Variants in SGCD observed in about 807,000 individuals in gnomAD.
The protein encoded by SGCD is sarcoglycan delta, also known as delta-sarcoglycan.
A neutral mutation model predicts 36.6 loss-of-function variants in SGCD; 18 were observed. The ratio of observed to expected loss-of-function variants is 0.49; its 90% CI spans 0.34 to 0.73. The LOEUF is 0.73. Ranked by LOEUF, SGCD falls within the 30% of genes least tolerant of loss-of-function variation. The probability of loss-of-function intolerance (pLI) is 0.01; values close to 1 mark genes in which losing one functional copy is unlikely to be tolerated. For synonymous variants in SGCD, 133 were observed against 130.6 expected, an observed-to-expected ratio of 1.02 and a Z score of -0.12; for missense variants, 387 against 346.7, an observed-to-expected ratio of 1.12 and a Z score of -0.92.
At chr5:155,753,104 G>C in the SGCD span, among the ~76,000 whole-genome samples, 2 of 152,066 alleles carry the variant, frequency 1.3e-5, no homozygotes, top group Non-Finnish European at 2.9e-5. Flanking sequence ...TTGGGAGGCC[G>C]AGGAGGGAAG....
At chr5:155,878,940 G>A (rs886402210) in intron 1 of SGCD, among the ~76,000 whole-genome samples, 6 of 151,962 alleles carry the variant, frequency 3.9e-5, no homozygotes, top group Non-Finnish European at 7.4e-5. Flanking sequence ...GTTTGTTAGC[G>A]TCTGCTAACA....
the SGCD span, among the ~76,000 whole-genome samples, chr5:155,796,043 A>G: frequency 6.6e-6 from 1 of 152,220 alleles, no homozygotes; most frequent in African/African-American, 2.4e-5. Context: ...CTTCTCTACA[A>G]CCAATAGAAC....
chr5:156,113,928 C>A (rs766904771), intron 1 of SGCD, among the ~76,000 whole-genome samples: 1 of 151,916 alleles, frequency 6.6e-6, no homozygotes, highest in Non-Finnish European at 1.5e-5. Flanking sequence ...GTATGCTATG[C>A]GATTCCAACA....
chr5:156,073,916 G>T (rs1760679228), intron 1 of SGCD, among the ~76,000 whole-genome samples: 1 of 152,192 alleles, frequency 6.6e-6, no homozygotes, highest in South Asian at 2.1e-4. Flanking sequence ...GGAGAGAAAA[G>T]TGGCAAAGCA....
At chr5:156,523,238 G>A (rs993998461) in intron 4 of SGCD, among the ~76,000 whole-genome samples, 8 of 152,116 alleles carry the variant, frequency 5.3e-5, no homozygotes, top group Admixed American at 1.3e-4. Context: ...CTGTTAAGTG[G>A]TAATTTTTTA....
At chr5:156,611,930 T>G (rs1761830413) in intron 6 of SGCD, among the ~76,000 whole-genome samples, 1 of 152,240 alleles carries the variant, frequency 6.6e-6, no homozygotes. Flanking sequence ...TTTCTGGGGT[T>G]TTTATAATTA....
At chr5:156,106,359 G>A (rs545187019) in intron 1 of SGCD, among the ~76,000 whole-genome samples, 1 of 152,212 alleles carries the variant, frequency 6.6e-6, no homozygotes, top group Admixed American at 6.5e-5. Context: ...AGGACTACAG[G>A]GCGAATGCTT....
chr5:155,846,558 A>G, the SGCD span, among the ~76,000 whole-genome samples: 2 of 152,046 alleles, frequency 1.3e-5, no homozygotes, highest in Non-Finnish European at 2.9e-5. Context: ...ATTCTGTTAT[A>G]CTCTGATTCC....
chr5:156,466,195 A>T (rs1401015639), intron 3 of SGCD, among the ~76,000 whole-genome samples: 1 of 152,182 alleles, frequency 6.6e-6, no homozygotes, highest in Non-Finnish European at 1.5e-5. Flanking sequence ...CAACTATAAA[A>T]ATTCAGTGTT....
chr5:156,739,201 G>A (rs1756537423), intron 7 of SGCD, among the ~76,000 whole-genome samples: 1 of 152,082 alleles, frequency 6.6e-6, no homozygotes, highest in Admixed American at 6.6e-5. Context: ...ATAATCTTAA[G>A]TTGTTCAGAA....
In SGCD at chr5:156,760,236, G is replaced by GA. The variant is rs1757475409; in HGVS notation, c.*851dup. 6.6e-6 allele frequency: 1 copy of GA among 152,176 alleles called. No homozygotes were observed. The highest frequency in any genetic ancestry group is 1.5e-5 in the Non-Finnish European group (1 of 68,034). The allele number at this position is 152,176 out of a possible 1,614,324, so 9.4% of individuals were successfully genotyped here. Reference sequence around the variant, plus strand: ...ACGGGTGATATGTCTCTGTTTAAGGGAAAAATGGCTTAAAAGCTGTTCTGT... The same window carrying GA: ...ACGGGTGATATGTCTCTGTTTAAGGGAAAAAATGGCTTAAAAGCTGTTCTGT... On this transcript the variant is annotated 3_prime_UTR_variant, in exon 9 of 9. Transcript: ENST00000337851.
chr5:156,227,836 T>A (rs982278839), intron 3 of SGCD, among the ~76,000 whole-genome samples: 7 of 152,162 alleles, frequency 4.6e-5, no homozygotes, highest in African/African-American at 1.7e-4. Flanking sequence ...TTTGATAGGT[T>A]GTGTCACTAT....
intron 6 of SGCD, among the ~76,000 whole-genome samples, chr5:156,600,139 C>T (rs182203): frequency 0.27 from 40,321 of 151,922 alleles, 5,436 homozygotes; most frequent in East Asian, 0.32. Flanking sequence ...ACACCTTGTG[C>T]GTTTATCATT....
At chr5:155,878,984 T>C (rs1755820637) in intron 1 of SGCD, among the ~76,000 whole-genome samples, 1 of 152,062 alleles carries the variant, frequency 6.6e-6, no homozygotes, top group African/African-American at 2.4e-5. Context: ...ATGAGTAAGT[T>C]TAACATTGTG....
At chr5:156,272,776 G>A (rs964795269) in intron 3 of SGCD, among the ~76,000 whole-genome samples, 7 of 152,168 alleles carry the variant, frequency 4.6e-5, no homozygotes, top group Non-Finnish European at 1.0e-4. Flanking sequence ...TTTAGAGCAG[G>A]GAAAGGCAAA....
chr5:156,647,777 G>A (rs1763286457), intron 7 of SGCD, among the ~76,000 whole-genome samples: 1 of 152,116 alleles, frequency 6.6e-6, no homozygotes. Context: ...CATTCATTTG[G>A]AATGTTTGTT....
chr5:156,455,700 T>A (rs144986990), intron 3 of SGCD, among the ~76,000 whole-genome samples: 51 of 152,306 alleles, frequency 3.3e-4, no homozygotes, highest in African/African-American at 1.2e-3. Flanking sequence ...ATTACAGTGA[T>A]TGAAGGCTTG....
intron 3 of SGCD, among the ~76,000 whole-genome samples, chr5:156,249,474 T>C (rs1765521821): frequency 6.6e-6 from 1 of 152,174 alleles, no homozygotes; most frequent in Non-Finnish European, 1.5e-5. Flanking sequence ...CTGCTTGTAG[T>C]TGGTGTTGAG....
At chr5:156,017,518 TG>T (rs1759011202) in intron 1 of SGCD, among the ~76,000 whole-genome samples, 1 of 151,910 alleles carries the variant, frequency 6.6e-6, no homozygotes, top group Admixed American at 6.6e-5. Context: ...AATATTTCTA[TG>T]TATTTCTTTT....
Sources: allele counts gnomAD v4.1 joint callset (sites outside exome capture counted in the v4.1 genomes callset), GRCh38; gene constraint gnomAD v4.1.1; transcripts MANE v1.5; gene names NCBI Gene and HGNC (gene_info 2026-07-23, HGNC 2026-07-21).